Variants in PPP2R2B observed in about 807,000 individuals in gnomAD.
PPP2R2B encodes serine/threonine-protein phosphatase 2A 55 kDa regulatory subunit B beta isoform.
A neutral mutation model predicts 46.0 loss-of-function variants in PPP2R2B; 5 were observed. The observed-to-expected ratio is 0.11, with a 90% CI of 0.06 to 0.23. The LOEUF (loss-of-function observed/expected upper bound fraction) is 0.23. Among genes scored for constraint, PPP2R2B ranks in the 10% least tolerant of loss-of-function variants. PPP2R2B has a pLI of 1.00. For missense variants in PPP2R2B, 367 were observed against 575.0 expected (o/e 0.64, Z 3.70); for synonymous variants, 215 against 206.7 (o/e 1.04, Z -0.34).
intron 5 of PPP2R2B, among the ~76,000 whole-genome samples, chr5:146,667,326 GCGCGCGCACACACACACACACA>G (rs1561816195): frequency 0.29 from 14,916 of 50,630 alleles, 911 homozygotes; most frequent in Non-Finnish European, 0.31. Context: ...GAATAGGCGT[GCGCGCGCACACACACACACACA>G]CACACACACA....
chr5:147,042,512 A>T (rs1756361023), intron 1 of PPP2R2B, among the ~76,000 whole-genome samples: 1 of 152,156 alleles, frequency 6.6e-6, no homozygotes, highest in African/African-American at 2.4e-5. Flanking sequence ...TATGGTAGCT[A>T]ACATTTGGAA....
chr5:146,706,522 G>A (rs2151174766), intron 2 of PPP2R2B: 1 of 1,183,298 alleles, frequency 8.5e-7, no homozygotes. Context: ...CGCAGCTGCC[G>A]CGCCATGTCC....
rs919595015 is a variant in PPP2R2B at position 146,592,848 on chromosome 5, A to G, written c.1052+123T>C. 5.7e-6 allele frequency: 5 copies of G among 871,214 alleles called. No individual in the cohort carries two copies. The Admixed American group carries it at 9.6e-5, about 17-fold the overall frequency. 54.0% of individuals were successfully genotyped at this position (871,214 alleles called of 1,614,324 possible). A position where few individuals can be genotyped will look rare whatever the true frequency, so the allele number is the denominator to read the frequency against. ...GGGTCACTAGGGGCCCACATTATGC[A>G]TTTCAGCCAGGTTTTGGGGCCCAAT... is the stretch of plus-strand genomic sequence containing the variant. On this transcript the variant is annotated intron_variant, in intron 9 of 9. Coordinates refer to ENST00000394411, the MANE Select transcript of PPP2R2B (RefSeq NM_181675.4).
intron 5 of PPP2R2B, among the ~76,000 whole-genome samples, chr5:146,672,645 T>C (rs140350813): frequency 6.6e-6 from 1 of 151,968 alleles, no homozygotes; most frequent in African/African-American, 2.4e-5. Flanking sequence ...CTAGAGAAAA[T>C]GGACACCATA....
chr5:146,883,683 G>A (rs533986714), upstream of PPP2R2B, among the ~76,000 whole-genome samples: 2 of 152,286 alleles, frequency 1.3e-5, no homozygotes, highest in South Asian at 2.1e-4. Context: ...GGTGGTTTAC[G>A]TGCTGTCTAG....
intron 2 of PPP2R2B, among the ~76,000 whole-genome samples, chr5:146,738,628 T>C (rs1309927396): frequency 6.6e-6 from 1 of 152,056 alleles, no homozygotes; most frequent in East Asian, 1.9e-4. Flanking sequence ...CAACTCCTAG[T>C]TAACTGCCCT....
chr5:147,000,582 C>T (rs1754124464), intron 1 of PPP2R2B, among the ~76,000 whole-genome samples: 1 of 151,824 alleles, frequency 6.6e-6, no homozygotes, highest in African/African-American at 2.4e-5. Flanking sequence ...ATGCACAGTT[C>T]ACAATAGAGT....
At chr5:147,048,954 G>T (rs867017533) in intron 1 of PPP2R2B, among the ~76,000 whole-genome samples, 3 of 152,056 alleles carry the variant, frequency 2.0e-5, no homozygotes, top group African/African-American at 7.2e-5. Context: ...AGTGGGAAAG[G>T]ACAGGCAAAA....
chr5:146,872,412 G>T (rs527766157), intron 2 of PPP2R2B, among the ~76,000 whole-genome samples: 1 of 152,190 alleles, frequency 6.6e-6, no homozygotes, highest in Admixed American at 6.5e-5. Flanking sequence ...TCTGGCATTT[G>T]CATACAAATA....
intron 6 of PPP2R2B, among the ~76,000 whole-genome samples, chr5:146,645,010 T>C (rs1775483204): frequency 6.6e-6 from 1 of 152,178 alleles, no homozygotes; most frequent in Non-Finnish European, 1.5e-5. Flanking sequence ...CTGAGTATTA[T>C]AAACATTGGC....
In PPP2R2B at chr5:146,602,407, G is replaced by A. The variant is rs138517857; in HGVS notation, c.791-1947C>T. On this transcript the variant is annotated intron_variant, in intron 7 of 9. Coordinates refer to ENST00000394411, the MANE Select transcript of PPP2R2B (RefSeq NM_181675.4). ...TCTTTGCCTTCTGGGTGCTTAGCAT[G>A]TATAGTATTCAGCTGAAACATATGC... 4.0e-3 allele frequency among the ~76,000 whole-genome samples: 605 copies of A among 152,284 alleles called. 8 individuals carry two copies. The highest frequency in any genetic ancestry group is 0.014 in the African/African-American group (576 of 41,548).
intron 2 of PPP2R2B, among the ~76,000 whole-genome samples, chr5:146,810,327 C>T (rs1196062945): frequency 6.6e-6 from 1 of 152,126 alleles, no homozygotes; most frequent in African/African-American, 2.4e-5. Flanking sequence ...CAAGAGAAGA[C>T]AATGAGAGCC....
At chr5:147,028,747 A>G (rs1307965282) in intron 1 of PPP2R2B, among the ~76,000 whole-genome samples, 1 of 152,170 alleles carries the variant, frequency 6.6e-6, no homozygotes, top group Non-Finnish European at 1.5e-5. Flanking sequence ...GTTTTAGTGG[A>G]TTTACCCATT....
At chr5:146,649,414 A>AT (rs11372355) in intron 6 of PPP2R2B, among the ~76,000 whole-genome samples, 15,492 of 145,298 alleles carry the variant, frequency 0.11, 1,192 homozygotes, top group East Asian at 0.23. Flanking sequence ...GCTATTCAGC[A>AT]TTTTTTTTTT....
chr5:146,913,860 C>T (rs896448924), intron 1 of PPP2R2B, among the ~76,000 whole-genome samples: 4 of 152,166 alleles, frequency 2.6e-5, no homozygotes, highest in Non-Finnish European at 4.4e-5. Context: ...TTACCTCCTA[C>T]GTCCTACTAA....
intron 1 of PPP2R2B, among the ~76,000 whole-genome samples, chr5:146,979,558 A>AACACACACACACACACAC (rs34864782): frequency 5.1e-5 from 7 of 137,272 alleles, no homozygotes; most frequent in African/African-American, 1.9e-4. Flanking sequence ...CCCACCTTGA[A>AACACACACACACACACAC]ACACACACAC....
At chr5:146,647,084 C>T (rs1775628254) in intron 6 of PPP2R2B, among the ~76,000 whole-genome samples, 1 of 152,164 alleles carries the variant, frequency 6.6e-6, no homozygotes, top group African/African-American at 2.4e-5. Flanking sequence ...GAAGTCATGA[C>T]TGTTTTCTAA....
intron 1 of PPP2R2B, among the ~76,000 whole-genome samples, chr5:146,981,711 C>T (rs559116366): frequency 2.6e-5 from 4 of 152,136 alleles, no homozygotes; most frequent in South Asian, 4.1e-4. Flanking sequence ...ACAAGGATCC[C>T]TATGCTGCCC....
Position 146,795,172 on chromosome 5 carries a change from T to C in PPP2R2B, c.70+82830A>G, listed in dbSNP as rs139427660. Reference sequence around the variant, plus strand: ...CATAAGGACTGTTAAGGAGATTAGATAGGCTCCCACTTCTGACTATATATC... The same window carrying C: ...CATAAGGACTGTTAAGGAGATTAGACAGGCTCCCACTTCTGACTATATATC... On this transcript the variant is annotated intron_variant, in intron 2 of 9. Coordinates refer to ENST00000394411, the MANE Select transcript of PPP2R2B (RefSeq NM_181675.4). Among the ~76,000 whole-genome samples, 108 of 152,212 alleles carry C rather than the reference T, an allele frequency of 7.1e-4. 1 individual carries two copies. Among genetic ancestry groups the C allele is most frequent in the African/African-American group, 2.6e-3 (106 of 41,542 alleles).
Sources: allele counts gnomAD v4.1 joint callset (sites outside exome capture counted in the v4.1 genomes callset), GRCh38; gene constraint gnomAD v4.1.1; transcripts MANE v1.5; gene names NCBI Gene and HGNC (gene_info 2026-07-23, HGNC 2026-07-21).